Variants in RGL2 observed in about 807,000 individuals in gnomAD.
The protein encoded by RGL2 is ral guanine nucleotide dissociation stimulator-like 2.
Under a neutral mutation model 84.6 loss-of-function variants are expected in RGL2, and 40 were observed. That is an observed-to-expected ratio of 0.47 (90% CI 0.37 to 0.62). The LOEUF is 0.62. RGL2 is among the 20% of genes least tolerant of loss of function. RGL2 has a pLI of 0.00. For missense variants in RGL2, 865 were observed against 1,019.7 expected (o/e 0.85, Z 2.07); for synonymous variants, 369 against 417.3 (o/e 0.88, Z 1.41).
intron 16 of RGL2, 145 bp from the exon 17 acceptor site, chr6:33,292,689 A>G: frequency 1.4e-6 from 1 of 724,346 alleles, no homozygotes. Flanking sequence ...GGCTTCCTAT[A>G]CCCCATAAGC....
At chr6:33,292,982 C>A in intron 16 of RGL2, 34 bp downstream of exon 16, 1 of 1,613,502 alleles carries the variant, frequency 6.2e-7, no homozygotes, top group Non-Finnish European at 8.5e-7. Flanking sequence ...AAGACACCAT[C>A]CTTCACCCCA....
intron 16 of RGL2, among the ~76,000 whole-genome samples, 187 bp from the exon 17 acceptor site, chr6:33,292,731 G>C (rs998335540): frequency 2.0e-4 from 31 of 152,204 alleles, no homozygotes; most frequent in Admixed American, 1.9e-3. Flanking sequence ...AAACAGAGCT[G>C]CTTCCCTGTG....
Position 33,293,732 on chromosome 6 carries a change from A to C in RGL2, c.1509-33T>G, listed in dbSNP as rs1354776747. On this transcript the variant is annotated intron_variant, in intron 13 of 17. Coordinates refer to ENST00000497454, the MANE Select transcript of RGL2 (RefSeq NM_004761.5). This position sits in a 1 kb window ranked among gnomAD's most constrained non-coding sequence, Gnocchi z 7.0. ...AGGGGGGCAATAGGCAGAGCTCAGG[A>C]CATGACACCAATCCCCCACACCTGG... 2 of 1,613,222 alleles carry C rather than the reference A, an allele frequency of 1.2e-6. No individual in the cohort carries two copies. The highest frequency in any genetic ancestry group is 1.3e-5 in the African/African-American group (1 of 74,882).
In RGL2 at chr6:33,296,748, C is replaced by G. The variant is rs758023131; in HGVS notation, c.269G>C (p.Arg90Pro). The G allele has an allele frequency of 6.2e-7, 1 of 1,613,968 alleles. No individual in the cohort carries two copies. Among genetic ancestry groups the G allele is most frequent in the South Asian group, 1.1e-5 (1 of 91,080 alleles). Residue 90 changes from arginine (R) to proline (P), a missense_variant, in exon 4 of 18, where the codon CGA becomes CCA. Arg to Pro is a moderately radical substitution (Grantham distance 103). Coordinates refer to ENST00000497454, the MANE Select transcript of RGL2 (RefSeq NM_004761.5). This position sits in a 1 kb window ranked among gnomAD's most constrained non-coding sequence, Gnocchi z 5.0. ...LVPMPPPRSSRRLRAGTLEAL... is the reference protein window; with the variant it reads ...LVPMPPPRSSPRLRAGTLEAL... ...CTCCAGAGTGCCAGCTCGGAGCCGT[C>G]GGGAGGAACGTGGGGGAGGCATAGG...
Position 33,292,536 on chromosome 6 carries a change from G to C in RGL2, c.2016C>G (p.Ser672Arg), listed in dbSNP as rs146658676. The C allele has an allele frequency of 1.2e-6, 2 of 1,613,430 alleles. No homozygotes were observed. The highest frequency in any genetic ancestry group is 1.7e-6 in the Non-Finnish European group (2 of 1,179,514). The stretch of plus-strand genomic sequence containing the variant: ...TGATGACACTTGGAGCCTTGTCCTG[G>C]CTTGTCACCTGGCAGAACAGGAGAC... ...GSVYKSILVT[S>R]QDKAPSVISR... The change falls in exon 17 of 18, where the codon AGC (serine) becomes AGG (arginine). Residue 672 changes from serine (S) to arginine (R), a missense_variant. By Grantham distance (110) the Ser-to-Arg change is moderately radical (BLOSUM62 -1). Around this residue, in one of 5 missense-constraint regions of RGL2, gnomAD observed 302 missense variants for 327.9 expected, o/e 0.92. Transcript: ENST00000497454.
rs376298966 is a variant in RGL2 at position 33,295,454 on chromosome 6, T to C, written c.1021-32A>G. 1.5e-5 allele frequency: 24 copies of C among 1,613,406 alleles called. No homozygotes were observed. Among genetic ancestry groups the C allele is most frequent in the Middle Eastern group, 3.3e-4 (2 of 6,062 alleles). On this transcript the variant is annotated intron_variant, in intron 7 of 17. Transcript: ENST00000497454. This position sits in a 1 kb window ranked among gnomAD's most constrained non-coding sequence, Gnocchi z 7.2. ...GGGTCAAAGAAGAGAGCTAAGGCTATGGGAGGCCTCTCCATTCCATGGCCA... is the reference window on the plus strand; with the variant it reads ...GGGTCAAAGAAGAGAGCTAAGGCTACGGGAGGCCTCTCCATTCCATGGCCA...
chr6:33,291,808 T>C lies in RGL2; in HGVS notation c.*294A>G, dbSNP rs549703792. 8.2e-5 allele frequency: 46 copies of C among 557,618 alleles called. No homozygotes were observed. Among genetic ancestry groups the C allele is most frequent in the Non-Finnish European group, 1.4e-4 (44 of 313,964 alleles). 34.5% of individuals were successfully genotyped at this position (557,618 alleles called of 1,614,324 possible). A position where few individuals can be genotyped will look rare whatever the true frequency, so the allele number is the denominator to read the frequency against. On this transcript the variant is annotated 3_prime_UTR_variant, in exon 18 of 18. Transcript: ENST00000497454. ...TTGAAGCCTTTGCTTGGCCCTTGCA[T>C]GTTAGGATATGGCCAAGAATCAGAA... is the stretch of plus-strand genomic sequence containing the variant.
rs1268507336 is a variant in RGL2, at chr6:33,293,195, G to T, written c.1828C>A (p.Pro610Thr). Residue 610 changes from proline to threonine, a missense_variant, in exon 16 of 18, where the codon CCT (proline) becomes ACT (threonine). This residue lies in a region of RGL2 where 302 missense variants were observed against 327.9 expected (regional missense o/e 0.92). Coordinates refer to ENST00000497454, the MANE Select transcript of RGL2 (RefSeq NM_004761.5). The surrounding 1 kb of genome is among the most constrained non-coding windows in gnomAD (Gnocchi z 7.0). ...GCTGAGCGGCGGTGACCTCGAGAAGGCCTAGGGGAGGAGGCTGGTGGGGAG... is the reference window on the plus strand; with the variant it reads ...GCTGAGCGGCGGTGACCTCGAGAAGTCCTAGGGGAGGAGGCTGGTGGGGAG... ...HLSPPASSPR[P>T]SRGHRRSASC... 6.3e-7 allele frequency: 1 copy of T among 1,584,908 alleles called. No individual in the cohort carries two copies. The highest frequency in any genetic ancestry group is 2.2e-5 in the East Asian group (1 of 44,800).
rs758814121 is a variant in RGL2 at position 33,296,470 on chromosome 6, G to T, written c.420-6C>A. 16 of 1,604,746 alleles carry T rather than the reference G, an allele frequency of 1.0e-5. No individual in the cohort carries two copies. The highest frequency in any genetic ancestry group is 1.4e-5 in the Non-Finnish European group (16 of 1,175,478). ...GAGATTCAAGGGCTTCCAGCCTGAG[G>T]GGGAGAAGAGGATCTATCTGTCCAT... On this transcript the variant is annotated splice_region_variant and splice_polypyrimidine_tract_variant and intron_variant, in intron 4 of 17. Coordinates refer to ENST00000497454, the MANE Select transcript of RGL2 (RefSeq NM_004761.5). This position sits in a 1 kb window ranked among gnomAD's most constrained non-coding sequence, Gnocchi z 5.0.
chr6:33,293,731 G>A lies in RGL2; in HGVS notation c.1509-32C>T, dbSNP rs373869577. On this transcript the variant is annotated intron_variant, in intron 13 of 17. Transcript: ENST00000497454. This position sits in a 1 kb window ranked among gnomAD's most constrained non-coding sequence, Gnocchi z 7.0. Reference sequence around the variant, plus strand: ...TAGGGGGGCAATAGGCAGAGCTCAGGACATGACACCAATCCCCCACACCTG... The same window carrying A: ...TAGGGGGGCAATAGGCAGAGCTCAGAACATGACACCAATCCCCCACACCTG... The A allele has an allele frequency of 6.8e-5, 110 of 1,613,256 alleles. No homozygotes were observed. The highest frequency in any genetic ancestry group is 8.8e-5 in the Non-Finnish European group (104 of 1,179,538).
In RGL2 at chr6:33,294,108, C is replaced by G; in HGVS notation, c.1354-42G>C. 3.1e-6 allele frequency: 5 copies of G among 1,592,456 alleles called. No individual in the cohort carries two copies. Among genetic ancestry groups the G allele is most frequent in the Non-Finnish European group, 4.3e-6 (5 of 1,167,528 alleles). Reference sequence around the variant, plus strand: ...GATGGGGTGAAAGTTCCAACCCTACCTTCCGGCCACAGAGAGAGAATATCC... The same window carrying G: ...GATGGGGTGAAAGTTCCAACCCTACGTTCCGGCCACAGAGAGAGAATATCC... On this transcript the variant is annotated intron_variant, in intron 11 of 17. Transcript: ENST00000497454. The surrounding 1 kb of genome is among the most constrained non-coding windows in gnomAD (Gnocchi z 5.0).
Position 33,297,036 on chromosome 6 carries a change from G to T in RGL2, c.236C>A (p.Pro79His). ...AAGCTAAAGTCATGATCTCACCAAG[G>T]GATCAAGAGGTCGATATTGGCGGCT... ...VTSRQYRPLD[P>H]LVPMPPPRSS... Residue 79 changes from proline to histidine, a missense_variant, in exon 3 of 18, where the codon CCC becomes CAC. By Grantham distance (77) the Pro-to-His change is moderately conservative (BLOSUM62 -2). This residue lies in a region of RGL2 where 455 missense variants were observed against 507.8 expected (regional missense o/e 0.90). Transcript: ENST00000497454. This position sits in a 1 kb window ranked among gnomAD's most constrained non-coding sequence, Gnocchi z 4.0. 1 of 1,581,910 alleles carries T rather than the reference G, an allele frequency of 6.3e-7. No homozygotes were observed. The highest frequency in any genetic ancestry group is 1.7e-4 in the Middle Eastern group (1 of 5,870).
chr6:33,297,366 G>T lies in RGL2; in HGVS notation c.157-251C>A. ...GGGCTGCAGTGGAGGCGTGGATGGA[G>T]TACAGGAATTCTGATCCTGGAGACC... On this transcript the variant is annotated intron_variant, in intron 2 of 17. Transcript: ENST00000497454. This position sits in a 1 kb window ranked among gnomAD's most constrained non-coding sequence, Gnocchi z 4.0. 2.2e-6 allele frequency: 1 copy of T among 455,968 alleles called. No homozygotes were observed. The highest frequency in any genetic ancestry group is 3.9e-6 in the Non-Finnish European group (1 of 257,868). 28.2% of individuals were successfully genotyped at this position (455,968 alleles called of 1,614,324 possible). A position where few individuals can be genotyped will look rare whatever the true frequency, so the allele number is the denominator to read the frequency against.
rs965636929 is a variant in RGL2 at position 33,298,615 on chromosome 6, G to A, written c.-5C>T. On this transcript the variant is annotated 5_prime_UTR_variant, in exon 2 of 18. Coordinates refer to ENST00000497454, the MANE Select transcript of RGL2 (RefSeq NM_004761.5). The surrounding 1 kb of genome is among the most constrained non-coding windows in gnomAD (Gnocchi z 4.8). Reference sequence around the variant, plus strand: ...CCGCAGGGGCCGCGGGAGCATGGCCGAGTGAAGGAATCAGCGGGGTCGGGC... The same window carrying A: ...CCGCAGGGGCCGCGGGAGCATGGCCAAGTGAAGGAATCAGCGGGGTCGGGC... 6 of 1,447,744 alleles carry A rather than the reference G, an allele frequency of 4.1e-6. No homozygotes were observed. Among genetic ancestry groups the A allele is most frequent in the African/African-American group, 3.0e-5 (2 of 66,518 alleles). 89.7% of individuals were successfully genotyped at this position (1,447,744 alleles called of 1,614,324 possible).
In RGL2 at chr6:33,292,079, T is replaced by G. The variant is rs752620770; in HGVS notation, c.*23A>C. On this transcript the variant is annotated 3_prime_UTR_variant, in exon 18 of 18. Coordinates refer to ENST00000497454, the MANE Select transcript of RGL2 (RefSeq NM_004761.5). ...CATCTGGTATGAACACCATGACTTC[T>G]GTAAGCCAACGGGGCTTCCTCCTCA... 1 of 1,613,452 alleles carries G rather than the reference T, an allele frequency of 6.2e-7. No individual in the cohort carries two copies. Among genetic ancestry groups the G allele is most frequent in the Non-Finnish European group, 8.5e-7 (1 of 1,179,456 alleles).
Position 33,298,725 on chromosome 6 carries a change from G to A in RGL2, c.-41-74C>T. 1.5e-6 allele frequency: 1 copy of A among 653,958 alleles called. No individual in the cohort carries two copies. 40.5% of individuals were successfully genotyped at this position (653,958 alleles called of 1,614,324 possible). A position where few individuals can be genotyped will look rare whatever the true frequency, so the allele number is the denominator to read the frequency against. Reference sequence around the variant, plus strand: ...GGGAACCGGGCAGGGAAGGGACGTGGGTGGGTGTCAAGAAGACCGGAAGGG... The same window carrying A: ...GGGAACCGGGCAGGGAAGGGACGTGAGTGGGTGTCAAGAAGACCGGAAGGG... On this transcript the variant is annotated intron_variant, in intron 1 of 17. Transcript: ENST00000497454. The surrounding 1 kb of genome is among the most constrained non-coding windows in gnomAD (Gnocchi z 4.8).
rs1768192557 is a variant in RGL2, at chr6:33,298,192, G to A, written c.156+263C>T. ...GCACACTCAGGCAGGCAGAGGTGGA[G>A]GGCCAAAGACCCGCAGGGACAGGAC... On this transcript the variant is annotated intron_variant, in intron 2 of 17. Transcript: ENST00000497454. The surrounding 1 kb of genome is among the most constrained non-coding windows in gnomAD (Gnocchi z 4.8). 7.5e-6 allele frequency: 3 copies of A among 397,470 alleles called. No individual in the cohort carries two copies. In the South Asian group the frequency reaches 1.4e-4, roughly 19 times the overall value. The allele number at this position is 397,470 out of a possible 1,614,324, so 24.6% of individuals were successfully genotyped here. A position where few individuals can be genotyped will look rare whatever the true frequency, so the allele number is the denominator to read the frequency against.
At position 33,294,019 on chromosome 6, in the gene RGL2, A is replaced by G. The variant is rs369080759; in HGVS notation, c.1386+15T>C. 11 of 1,613,710 alleles carry G rather than the reference A, an allele frequency of 6.8e-6. No homozygotes were observed. Among genetic ancestry groups the G allele is most frequent in the Non-Finnish European group, 9.3e-6 (11 of 1,179,964 alleles). On this transcript the variant is annotated intron_variant, in intron 12 of 17. Transcript: ENST00000497454. The surrounding 1 kb of genome is among the most constrained non-coding windows in gnomAD (Gnocchi z 5.0). ...GATAGGGAAGTCCAGCATCCAGCCC[A>G]GACACTCCGCTCACCTTCCTCCGCT...
rs1767698350 is a variant in RGL2 at position 33,294,065 on chromosome 6, T to C, written c.1355A>G (p.Asn452Ser). The change falls in exon 12 of 18, where the codon AAT (asparagine) becomes AGT (serine). Residue 452 changes from asparagine (N) to serine (S), a missense_variant and splice_region_variant. Coordinates refer to ENST00000497454, the MANE Select transcript of RGL2 (RefSeq NM_004761.5). This position sits in a 1 kb window ranked among gnomAD's most constrained non-coding sequence, Gnocchi z 5.0. ...LDAASKDELE[N>S]GYINFDKRRK... ...CCGCTTGTCAAAATTGATGTATCCA[T>C]TCTGCGAGGAAAATGGGGATGGGGT... 2 of 1,610,380 alleles carry C rather than the reference T, an allele frequency of 1.2e-6. No homozygotes were observed. The highest frequency in any genetic ancestry group is 4.5e-5 in the East Asian group (2 of 44,748).
Sources: gnomAD v4.1 joint callset for allele counts (sites outside exome capture counted in the v4.1 genomes callset) on GRCh38, gnomAD v4.1.1 for gene constraint, gnomAD v4.1.1 regional missense constraint, Gnocchi (gnomAD v3.1) non-coding constraint, MANE v1.5 for transcripts, NCBI Gene and HGNC (gene_info 2026-07-23, HGNC 2026-07-21) for gene names.